Variants in IL4R observed in about 807,000 individuals in gnomAD.
IL4R encodes interleukin-4 receptor subunit alpha.
IL4R carries 17 observed loss-of-function variants against 41.5 expected under a neutral mutation model. That is an observed-to-expected ratio of 0.41 (90% CI 0.28 to 0.61). IL4R has a LOEUF of 0.61. Ranked by LOEUF, IL4R falls within the 20% of genes least tolerant of loss-of-function variation. The pLI, the probability that IL4R is intolerant of heterozygous loss-of-function variation, is 0.31. For synonymous variants in IL4R, 402 were observed against 422.9 expected (o/e 0.95, Z 0.61); for missense variants, 974 against 1,043.1 (o/e 0.93, Z 0.91).
At chr16:27,338,105 C>A (rs760558948) in intron 2 of IL4R, among the ~76,000 whole-genome samples, 4 of 151,522 alleles carry the variant, frequency 2.6e-5, no homozygotes, top group Non-Finnish European at 5.9e-5. Context: ...TACAGGTGTG[C>A]GCCACCACAC....
Position 27,340,171 on chromosome 16 carries a change from C to CCT in IL4R, c.-18-6_-18-5dup. 1 of 1,591,074 alleles carries CCT rather than the reference C, an allele frequency of 6.3e-7. No homozygotes were observed. The highest frequency in any genetic ancestry group is 8.6e-7 in the Non-Finnish European group (1 of 1,161,512). ...AGCACAGGTCAGCACTAACCTGCTT[C>CCT]CTCTCTCTCTGCAGGTGCCTTGGCA... On this transcript the variant is annotated splice_polypyrimidine_tract_variant and intron_variant, in intron 2 of 10. Transcript: ENST00000395762.
At chr16:27,359,248 G>T (rs1309386919) in intron 9 of IL4R, among the ~76,000 whole-genome samples, 1 of 152,176 alleles carries the variant, frequency 6.6e-6, no homozygotes, top group East Asian at 1.9e-4. Flanking sequence ...CCCTCCCCTT[G>T]GGAGAATGAC....
chr16:27,361,740 G>A (rs1398020244), intron 10 of IL4R, among the ~76,000 whole-genome samples: 7 of 151,534 alleles, frequency 4.6e-5, no homozygotes. Flanking sequence ...AAGTAGCTGG[G>A]ACTACAGTCA....
At chr16:27,313,799 A>C, upstream of IL4R, 1 of 540,092 alleles carries the variant, frequency 1.9e-6, no homozygotes, top group Non-Finnish European at 2.4e-6. Flanking sequence ...GGCGGCGGGG[A>C]CAGCGACAGG....
Position 27,345,243 on chromosome 16 carries a change from G to C in IL4R, c.361+223G>C. The C allele has an allele frequency of 1.5e-6, 1 of 685,706 alleles. No homozygotes were observed. The highest frequency in any genetic ancestry group is 2.7e-6 in the Non-Finnish European group (1 of 376,644). The allele number at this position is 685,706 out of a possible 1,614,324, so 42.5% of individuals were successfully genotyped here. A position where few individuals can be genotyped will look rare whatever the true frequency, so the allele number is the denominator to read the frequency against. Reference sequence around the variant, plus strand: ...AGACCACCAAGCCCCCTTCAGCCCAGCTGTTTCCACCCCTGAACTTAAGTG... The same window carrying C: ...AGACCACCAAGCCCCCTTCAGCCCACCTGTTTCCACCCCTGAACTTAAGTG... On this transcript the variant is annotated intron_variant, in intron 5 of 10. Transcript: ENST00000395762. The surrounding 1 kb of genome is among the most constrained non-coding windows in gnomAD (Gnocchi z 4.5).
intron 1 of IL4R, among the ~76,000 whole-genome samples, chr16:27,327,851 G>T (rs1399411868): frequency 6.6e-6 from 1 of 152,046 alleles, no homozygotes; most frequent in East Asian, 1.9e-4. Flanking sequence ...ACAGGGCCAG[G>T]CACAAAATAA....
In IL4R at chr16:27,362,311, G is replaced by A. The variant is rs1484838838; in HGVS notation, c.959G>A (p.Arg320Lys). The A allele has an allele frequency of 1.6e-5, 26 of 1,614,158 alleles. No individual in the cohort carries two copies. Among genetic ancestry groups the A allele is most frequent in the Non-Finnish European group, 2.1e-5 (25 of 1,180,004 alleles). Residue 320 changes from arginine (R) to lysine (K), a missense_variant, in exon 11 of 11, where the codon AGG (arginine) becomes AAG (lysine). Coordinates refer to ENST00000395762, the MANE Select transcript of IL4R (RefSeq NM_000418.4). ...TGTTTTCTGGAGCACAACATGAAAA[G>A]GGATGAAGATCCTCACAAGGCTGCC... Reference protein sequence around the residue: ...LPCFLEHNMKRDEDPHKAAKE... With the variant: ...LPCFLEHNMKKDEDPHKAAKE...
At chr16:27,326,465 A>T (rs2084957567) in intron 1 of IL4R, among the ~76,000 whole-genome samples, 1 of 152,052 alleles carries the variant, frequency 6.6e-6, no homozygotes, top group Admixed American at 6.6e-5. Flanking sequence ...GTGCCATAGC[A>T]CTCCAGCTTG....
chr16:27,354,900 G>C (rs899447752), intron 7 of IL4R: 21 of 408,732 alleles, frequency 5.1e-5, no homozygotes, highest in African/African-American at 3.1e-4. Context: ...CCAGAACCCA[G>C]CACAGAACCA....
intron 1 of IL4R, among the ~76,000 whole-genome samples, chr16:27,319,925 A>G (rs1343781669): frequency 4.0e-5 from 6 of 151,830 alleles, no homozygotes; most frequent in Non-Finnish European, 7.4e-5. Flanking sequence ...ACTGGAGTGC[A>G]ATGGTGCGAT....
In IL4R at chr16:27,356,084, C is replaced by CT. The variant is rs36125482; in HGVS notation, c.770+202dup. Among the ~76,000 whole-genome samples the CT allele has an allele frequency of 8.5e-3, 963 of 113,540 alleles. 19 individuals are homozygous for CT. Among genetic ancestry groups the CT allele is most frequent in the African/African-American group, 0.027 (789 of 29,296 alleles). 74.5% of individuals were successfully genotyped at this position (113,540 alleles called of 152,430 possible). ...ATATCGACAAGGACCCCACTTTTTT[C>CT]TTTTTTTTTTTTTTTTTTTTTTTTT... On this transcript the variant is annotated intron_variant, in intron 8 of 10. Transcript: ENST00000395762.
intron 3 of IL4R, 114 bp from the exon 4 acceptor site, chr16:27,342,007 C>A: frequency 8.3e-7 from 1 of 1,209,940 alleles, no homozygotes; most frequent in Non-Finnish European, 1.2e-6. Flanking sequence ...GGCGCTGGCC[C>A]TCAACTTTGC....
At chr16:27,329,022 G>A (rs2085039195) in intron 1 of IL4R, among the ~76,000 whole-genome samples, 2 of 152,122 alleles carry the variant, frequency 1.3e-5, no homozygotes, top group Non-Finnish European at 1.5e-5. Context: ...TGTTGGAGGT[G>A]GGTCCTGGTG....
chr16:27,318,462 G>A (rs2084711910), intron 1 of IL4R, among the ~76,000 whole-genome samples: 1 of 152,158 alleles, frequency 6.6e-6, no homozygotes, highest in African/African-American at 2.4e-5. Flanking sequence ...GGAAGAGAGG[G>A]CCAGGTGGAG....
chr16:27,339,075 G>A (rs1468670016), intron 2 of IL4R, among the ~76,000 whole-genome samples: 1 of 151,904 alleles, frequency 6.6e-6, no homozygotes, highest in African/African-American at 2.4e-5. Context: ...GGCTGATCTC[G>A]AACTCCTGAC....
intron 2 of IL4R, among the ~76,000 whole-genome samples, chr16:27,339,397 G>A (rs537092419): frequency 6.6e-6 from 1 of 152,158 alleles, no homozygotes; most frequent in East Asian, 1.9e-4. Flanking sequence ...AACGTTACTT[G>A]AGACTTTAAA....
chr16:27,342,081 G>C, intron 3 of IL4R, 40 bp from the exon 4 acceptor site: 2 of 1,606,286 alleles, frequency 1.2e-6, no homozygotes, highest in Non-Finnish European at 1.7e-6. Flanking sequence ...CTCACGCATT[G>C]AGTTCCTGGG....
At chr16:27,344,392 G>A (rs1042265951) in intron 4 of IL4R, among the ~76,000 whole-genome samples, 1 of 149,712 alleles carries the variant, frequency 6.7e-6, no homozygotes, top group African/African-American at 2.5e-5. Flanking sequence ...AGGAAATTGT[G>A]TGGCCTTTGA....
Position 27,346,454 on chromosome 16 carries a change from G to A in IL4R, c.362-13G>A, listed in dbSNP as rs773198219. ...CTGCATAGATCCTCACATAGAGGCC[G>A]CTTCTCCCGCAGTGAAACCCAGGGC... On this transcript the variant is annotated splice_polypyrimidine_tract_variant and intron_variant, in intron 5 of 10. Coordinates refer to ENST00000395762, the MANE Select transcript of IL4R (RefSeq NM_000418.4). The A allele has an allele frequency of 2.0e-5, 33 of 1,613,762 alleles. No individual in the cohort carries two copies. The highest frequency in any genetic ancestry group is 1.6e-4 in the Middle Eastern group (1 of 6,072).
Sources: allele counts gnomAD v4.1 joint callset (sites outside exome capture counted in the v4.1 genomes callset), GRCh38; gene constraint gnomAD v4.1.1; non-coding constraint Gnocchi (gnomAD v3.1); transcripts MANE v1.5; gene names NCBI Gene and HGNC (gene_info 2026-07-23, HGNC 2026-07-21).